PTPRM: variants seen among roughly 807,000 people sequenced by gnomAD.
PTPRM encodes protein tyrosine phosphatase receptor type M, also known as receptor-type tyrosine-protein phosphatase mu.
PTPRM carries 47 observed loss-of-function variants against 186.7 expected under a neutral mutation model. The ratio of observed to expected loss-of-function variants is 0.25; its 90% confidence interval spans 0.20 to 0.32. PTPRM has a LOEUF of 0.32. Among genes scored for constraint, PTPRM ranks in the 10% least tolerant of loss-of-function variants. The pLI, the probability that PTPRM is intolerant of heterozygous loss-of-function variation, is 1.00. For missense variants in PTPRM, 1,494 were observed against 1,865.0 expected (o/e 0.80, Z 3.66); for synonymous variants, 668 against 674.9 (o/e 0.99, Z 0.16).
chr18:7,927,097 G>T (rs1363320830), intron 5 of PTPRM, among the ~76,000 whole-genome samples: 1 of 151,892 alleles, frequency 6.6e-6, no homozygotes, highest in Non-Finnish European at 1.5e-5. Context: ...CAAGCTGTAA[G>T]CTTAAACTTA....
Position 8,004,175 on chromosome 18 carries a change from G to A in PTPRM, c.1132+48761G>A, listed in dbSNP as rs573626496. 1.5e-4 allele frequency among the ~76,000 whole-genome samples: 23 copies of A among 152,260 alleles called. No homozygotes were observed. In the South Asian group the frequency reaches 2.1e-3, roughly 14 times the overall value. On this transcript the variant is annotated intron_variant, in intron 7 of 32. Coordinates refer to ENST00000580170, the MANE Select transcript of PTPRM (RefSeq NM_001105244.2). ...AGTCACTTTCTCTGATTGAGAGTGC[G>A]CTGAAAATTGTTTTGAAAACCAAAC... is the stretch of plus-strand genomic sequence containing the variant.
chr18:8,385,877 A>C, intron 30 of PTPRM, among the ~76,000 whole-genome samples: 1 of 152,186 alleles, frequency 6.6e-6, no homozygotes, highest in East Asian at 1.9e-4. Flanking sequence ...GAGAAATGAC[A>C]GTGATAGGAG....
intron 1 of PTPRM, among the ~76,000 whole-genome samples, chr18:7,609,154 T>G (rs2143830645): frequency 6.6e-6 from 1 of 152,332 alleles, no homozygotes; most frequent in Admixed American, 6.5e-5. Context: ...TAAAAATAAG[T>G]CTGGTCCTTA....
At chr18:8,001,269 T>TA (rs1411230271) in intron 7 of PTPRM, among the ~76,000 whole-genome samples, 4 of 152,196 alleles carry the variant, frequency 2.6e-5, no homozygotes, top group Non-Finnish European at 4.4e-5. Flanking sequence ...GGGATAGCGA[T>TA]AGACTCCTCG....
At chr18:7,745,269 A>T (rs1200552201) in intron 1 of PTPRM, among the ~76,000 whole-genome samples, 1 of 152,198 alleles carries the variant, frequency 6.6e-6, no homozygotes, top group African/African-American at 2.4e-5. Flanking sequence ...AGGACCATAT[A>T]TCTGGCCAGC....
chr18:8,112,608 T>G (rs2091804545), intron 11 of PTPRM, among the ~76,000 whole-genome samples: 1 of 152,222 alleles, frequency 6.6e-6, no homozygotes, highest in Non-Finnish European at 1.5e-5. Context: ...AAAGGTTTTT[T>G]TCCAACAAAA....
intron 5 of PTPRM, among the ~76,000 whole-genome samples, chr18:7,948,894 G>A (rs1375577258): frequency 2.6e-5 from 4 of 152,182 alleles, no homozygotes; most frequent in Non-Finnish European, 4.4e-5. Context: ...CAAGTTTTCT[G>A]TATTTTTACT....
chr18:8,096,621 A>G (rs1281029583), intron 11 of PTPRM, among the ~76,000 whole-genome samples: 1 of 152,224 alleles, frequency 6.6e-6, no homozygotes, highest in African/African-American at 2.4e-5. Context: ...AAAGATTGCA[A>G]ATGCCTGCAC....
At chr18:8,399,293 T>A (rs527917554) in intron 32 of PTPRM, among the ~76,000 whole-genome samples, 1 of 152,332 alleles carries the variant, frequency 6.6e-6, no homozygotes, top group South Asian at 2.1e-4. Context: ...TGACTGGTTG[T>A]TGCACTTCTC....
At chr18:8,288,067 T>C (rs2094977136) in intron 19 of PTPRM, among the ~76,000 whole-genome samples, 1 of 152,190 alleles carries the variant, frequency 6.6e-6, no homozygotes, top group South Asian at 2.1e-4. Context: ...CTCAAAAAAG[T>C]CAGCTTTGAC....
chr18:8,143,572 G>GA, intron 13 of PTPRM, 75 bp from the exon 14 acceptor site: 1 of 1,487,882 alleles, frequency 6.7e-7, no homozygotes, highest in South Asian at 1.2e-5. Context: ...TAAATGCAGC[G>GA]AAATTTTTTA....
intron 1 of PTPRM, among the ~76,000 whole-genome samples, chr18:7,573,301 A>G (rs1297869724): frequency 6.6e-6 from 1 of 152,208 alleles, no homozygotes; most frequent in Non-Finnish European, 1.5e-5. Flanking sequence ...TTGTGCAGGT[A>G]GATCACAGTG....
intron 7 of PTPRM, among the ~76,000 whole-genome samples, chr18:7,962,900 G>A (rs2053776876): frequency 6.6e-6 from 1 of 152,236 alleles, no homozygotes; most frequent in Non-Finnish European, 1.5e-5. Flanking sequence ...CTGGGGCCAT[G>A]TGGGAGCTAA....
chr18:8,020,583 C>A (rs534004784), intron 7 of PTPRM, among the ~76,000 whole-genome samples: 12 of 152,290 alleles, frequency 7.9e-5, no homozygotes, highest in African/African-American at 2.9e-4. Flanking sequence ...ATAAAATATT[C>A]TCCTAGCTAC....
At chr18:7,779,864 C>A (rs920222197) in intron 2 of PTPRM, among the ~76,000 whole-genome samples, 3 of 152,176 alleles carry the variant, frequency 2.0e-5, no homozygotes, top group African/African-American at 7.2e-5. Context: ...AGATTTTTCA[C>A]CGAGTGAAAC....
intron 7 of PTPRM, among the ~76,000 whole-genome samples, chr18:8,035,476 T>C (rs2086261671): frequency 6.6e-6 from 1 of 152,198 alleles, no homozygotes; most frequent in Admixed American, 6.5e-5. Context: ...TCCCATAGCC[T>C]TTAAGCCATC....
intron 1 of PTPRM, among the ~76,000 whole-genome samples, chr18:7,629,939 G>A (rs567901750): frequency 6.6e-6 from 1 of 152,144 alleles, no homozygotes; most frequent in South Asian, 2.1e-4. Context: ...GGGGACATGA[G>A]GAGGTTTTTT....
intron 1 of PTPRM, among the ~76,000 whole-genome samples, chr18:7,639,292 G>T (rs749873718): frequency 6.6e-6 from 1 of 151,884 alleles, no homozygotes; most frequent in Non-Finnish European, 1.5e-5. Flanking sequence ...GAATCGTCTC[G>T]ATCTCCTGAC....
chr18:8,176,443 CACAG>C (rs1179987075), intron 14 of PTPRM, among the ~76,000 whole-genome samples: 2 of 152,156 alleles, frequency 1.3e-5, no homozygotes, highest in African/African-American at 4.8e-5. Flanking sequence ...CAAATATAAA[CACAG>C]ACAATGTGAT....
Sources: gnomAD v4.1 joint callset for allele counts (sites outside exome capture counted in the v4.1 genomes callset) on GRCh38, gnomAD v4.1.1 for gene constraint, MANE v1.5 for transcripts, NCBI Gene and HGNC (gene_info 2026-07-23, HGNC 2026-07-21) for gene names.